GNB4: variants seen among roughly 807,000 people sequenced by gnomAD.
The protein encoded by GNB4 is guanine nucleotide-binding protein subunit beta-4.
GNB4 carries 28 observed loss-of-function variants against 45.2 expected under a neutral mutation model. That is an observed-to-expected ratio of 0.62 (90% CI 0.46 to 0.85). The LOEUF (loss-of-function observed/expected upper bound fraction) is 0.85, where lower values mean the gene tolerates loss of function less well. Among genes scored for constraint, GNB4 ranks in the 40% least tolerant of loss-of-function variants. The probability of loss-of-function intolerance (pLI) is 0.00; values close to 1 mark genes in which losing one functional copy is unlikely to be tolerated. For missense variants in GNB4, 321 were observed against 425.4 expected (o/e 0.75, Z 2.16); for synonymous variants, 132 against 143.7 (o/e 0.92, Z 0.58).
chr3:179,492,727 T>A, the GNB4 span, among the ~76,000 whole-genome samples: 1 of 152,136 alleles, frequency 6.6e-6, no homozygotes. Context: ...TGAGCACCTC[T>A]GCCCTGAAAC....
chr3:179,459,600 T>C, the GNB4 span, among the ~76,000 whole-genome samples: 2 of 151,890 alleles, frequency 1.3e-5, no homozygotes, highest in East Asian at 3.9e-4. Flanking sequence ...GAGAATCGCT[T>C]GAACCTGGGA....
At chr3:179,415,815 T>C (rs962057054) in intron 5 of GNB4, among the ~76,000 whole-genome samples, 17 of 152,148 alleles carry the variant, frequency 1.1e-4, no homozygotes, top group Non-Finnish European at 1.6e-4. Flanking sequence ...AGAAAAACTA[T>C]TATATTACAA....
At chr3:179,482,811 A>C in the GNB4 span, among the ~76,000 whole-genome samples, 1 of 152,076 alleles carries the variant, frequency 6.6e-6, no homozygotes, top group Non-Finnish European at 1.5e-5. Flanking sequence ...TGGCAGGTGG[A>C]AAAGTCTTAA....
the GNB4 span, among the ~76,000 whole-genome samples, chr3:179,468,683 T>C: frequency 6.6e-5 from 10 of 152,158 alleles, no homozygotes; most frequent in Non-Finnish European, 1.5e-4. Context: ...AGCAGTAAGA[T>C]ACCAACATGA....
chr3:179,416,124 C>T (rs190619003), intron 5 of GNB4, among the ~76,000 whole-genome samples: 8 of 152,028 alleles, frequency 5.3e-5, no homozygotes, highest in East Asian at 3.9e-4. Flanking sequence ...GTGCCTGGAG[C>T]GGGCCAAAGA....
the GNB4 span, among the ~76,000 whole-genome samples, chr3:179,505,020 C>G: frequency 6.6e-6 from 1 of 152,110 alleles, no homozygotes; most frequent in Non-Finnish European, 1.5e-5. Flanking sequence ...TCCTCCCTAC[C>G]AAAAGAATAG....
At chr3:179,455,227 C>A (rs1021024549), upstream of GNB4, among the ~76,000 whole-genome samples, 2 of 152,148 alleles carry the variant, frequency 1.3e-5, no homozygotes, top group African/African-American at 4.8e-5. Context: ...GGAGAGGGAA[C>A]TAGAAGCATG....
At chr3:179,466,220 G>A in the GNB4 span, among the ~76,000 whole-genome samples, 2 of 151,642 alleles carry the variant, frequency 1.3e-5, no homozygotes, top group Non-Finnish European at 1.5e-5. Context: ...CAAGTTGGCC[G>A]GACTGGTCTC....
the GNB4 span, among the ~76,000 whole-genome samples, chr3:179,461,102 G>A: frequency 6.6e-6 from 1 of 152,026 alleles, no homozygotes; most frequent in African/African-American, 2.4e-5. Flanking sequence ...CTGCTTAAAA[G>A]CCTTATCTTC....
the GNB4 span, among the ~76,000 whole-genome samples, chr3:179,495,043 A>G: frequency 6.6e-6 from 1 of 152,124 alleles, no homozygotes; most frequent in Admixed American, 6.5e-5. Context: ...CTCAAAGAGA[A>G]CTTCACCAAG....
chr3:179,447,306 G>A (rs1559983402), intron 1 of GNB4, among the ~76,000 whole-genome samples: 1 of 150,210 alleles, frequency 6.7e-6, no homozygotes, highest in Non-Finnish European at 1.5e-5. Context: ...AGACTAGAAG[G>A]GTGTGCCAGA....
the GNB4 span, among the ~76,000 whole-genome samples, chr3:179,468,160 T>G: frequency 1.3e-5 from 2 of 150,802 alleles, no homozygotes; most frequent in South Asian, 4.2e-4. Flanking sequence ...ATTGTGCCAC[T>G]GCACTCCAGC....
intron 4 of GNB4, among the ~76,000 whole-genome samples, chr3:179,418,253 T>C (rs148674289): frequency 0.012 from 1,818 of 152,086 alleles, 31 homozygotes; most frequent in African/African-American, 0.042. Flanking sequence ...TTGGATCACC[T>C]GAGGTCAGGA....
At chr3:179,457,619 A>T in the GNB4 span, among the ~76,000 whole-genome samples, 1 of 152,316 alleles carries the variant, frequency 6.6e-6, no homozygotes, top group East Asian at 1.9e-4. Flanking sequence ...AGCTCCATTC[A>T]TTCATTCTTC....
At chr3:179,414,852 G>C in intron 6 of GNB4, 33 bp downstream of exon 6, 2 of 1,518,484 alleles carry the variant, frequency 1.3e-6, no homozygotes, top group South Asian at 1.3e-5. Flanking sequence ...ACAAGGAATC[G>C]TGTGGTGGGA....
the GNB4 span, among the ~76,000 whole-genome samples, chr3:179,467,637 A>T: frequency 6.6e-6 from 1 of 152,274 alleles, no homozygotes; most frequent in East Asian, 1.9e-4. Context: ...GGTTCAAGTC[A>T]TAGTTGTTTT....
chr3:179,431,264 A>G (rs1715300248), intron 1 of GNB4, among the ~76,000 whole-genome samples: 1 of 152,118 alleles, frequency 6.6e-6, no homozygotes, highest in African/African-American at 2.4e-5. Flanking sequence ...TATTAGAGAA[A>G]CTAAATCATC....
the GNB4 span, among the ~76,000 whole-genome samples, chr3:179,481,736 T>G: frequency 1.3e-4 from 20 of 152,226 alleles, no homozygotes; most frequent in Admixed American, 9.8e-4. Context: ...GTCTTTTCTA[T>G]CACACTGTTT....
chr3:179,490,977 G>A, the GNB4 span, among the ~76,000 whole-genome samples: 3 of 152,174 alleles, frequency 2.0e-5, no homozygotes, highest in East Asian at 1.9e-4. Context: ...GGAAGAATAA[G>A]TACAATCTCA....
Sources: gnomAD v4.1 joint callset for allele counts (sites outside exome capture counted in the v4.1 genomes callset) on GRCh38, gnomAD v4.1.1 for gene constraint, MANE v1.5 for transcripts, NCBI Gene and HGNC (gene_info 2026-07-23, HGNC 2026-07-21) for gene names.